AUTS2: variants seen among roughly 807,000 people sequenced by gnomAD.
The protein encoded by AUTS2 is autism susceptibility gene 2 protein.
A neutral mutation model predicts 112.4 loss-of-function variants in AUTS2; 17 were observed. The observed-to-expected ratio is 0.15, with a 90% confidence interval of 0.10 to 0.23. The LOEUF is 0.23. AUTS2 is among the 10% of genes least tolerant of loss of function. The pLI, the probability that AUTS2 is intolerant of heterozygous loss-of-function variation, is 1.00. For missense variants in AUTS2, 1,510 were observed against 1,701.6 expected (o/e 0.89, Z 1.98); for synonymous variants, 751 against 702.7 (o/e 1.07, Z -1.09).
intron 6 of AUTS2, among the ~76,000 whole-genome samples, chr7:70,722,125 A>G (rs965456051): frequency 1.3e-5 from 2 of 152,056 alleles, no homozygotes; most frequent in African/African-American, 4.8e-5. Flanking sequence ...GAAATTAAAT[A>G]TAGCCCCCAG....
At chr7:70,716,528 G>A (rs948079696) in intron 6 of AUTS2, among the ~76,000 whole-genome samples, 3 of 150,060 alleles carry the variant, frequency 2.0e-5, no homozygotes, top group African/African-American at 7.4e-5. Context: ...AGCTACTCGG[G>A]AAGCTGAGGC....
At chr7:69,959,725 T>C (rs1367623136) in intron 2 of AUTS2, among the ~76,000 whole-genome samples, 1 of 152,186 alleles carries the variant, frequency 6.6e-6, no homozygotes, top group Non-Finnish European at 1.5e-5. Context: ...TAAACCTCTT[T>C]TAAAATCTGC....
intron 5 of AUTS2, among the ~76,000 whole-genome samples, chr7:70,451,379 AT>A (rs1562963970): frequency 6.6e-6 from 1 of 152,164 alleles, no homozygotes; most frequent in Non-Finnish European, 1.5e-5. Flanking sequence ...AATTGAAATT[AT>A]TTTTTAAACT....
chr7:69,600,071 T>TA, intron 1 of AUTS2, 109 bp downstream of exon 1: 1 of 1,183,620 alleles, frequency 8.4e-7, no homozygotes, highest in South Asian at 1.4e-5. Flanking sequence ...TCTGTCTGTC[T>TA]GTCTGTCTGT....
intron 1 of AUTS2, among the ~76,000 whole-genome samples, chr7:69,734,819 G>A (rs1008485678): frequency 5.3e-5 from 8 of 151,994 alleles, no homozygotes; most frequent in Non-Finnish European, 1.2e-4. Context: ...GCTCTGAAAA[G>A]GTTTTTATAT....
In AUTS2 at chr7:70,685,453, A is replaced by G. The variant is rs1326672851; in HGVS notation, c.691-13116A>G. 9.6e-5 allele frequency among the ~76,000 whole-genome samples: 14 copies of G among 145,190 alleles called. No homozygotes were observed. The Admixed American group carries it at 1.0e-3, about 10-fold the overall frequency. On this transcript the variant is annotated intron_variant, in intron 5 of 18. Transcript: ENST00000342771. ...GCACCACCACACCCCAGCCTGAGTG[A>G]CAGAGCAAGACTCTGTCTCAAAAAA...
At chr7:70,091,911 A>G (rs1288396556) in intron 2 of AUTS2, among the ~76,000 whole-genome samples, 1 of 152,206 alleles carries the variant, frequency 6.6e-6, no homozygotes, top group Admixed American at 6.5e-5. Flanking sequence ...GGTGACATAC[A>G]AGGGAAAGAG....
chr7:70,566,140 A>G (rs1446565726), intron 5 of AUTS2, among the ~76,000 whole-genome samples: 1 of 152,196 alleles, frequency 6.6e-6, no homozygotes, highest in Non-Finnish European at 1.5e-5. Context: ...CCTCCAAATA[A>G]TAGCACTTTC....
intron 2 of AUTS2, among the ~76,000 whole-genome samples, chr7:70,054,125 A>G (rs1801886584): frequency 6.6e-6 from 1 of 152,198 alleles, no homozygotes; most frequent in Admixed American, 6.5e-5. Flanking sequence ...TGCATTTGAT[A>G]TGTGGCTAGT....
chr7:69,607,212 C>T (rs1465548670), intron 1 of AUTS2, among the ~76,000 whole-genome samples: 4 of 152,140 alleles, frequency 2.6e-5, no homozygotes, highest in Non-Finnish European at 4.4e-5. Context: ...ACCCTGAAAT[C>T]ATATGAATTG....
intron 1 of AUTS2, among the ~76,000 whole-genome samples, chr7:69,775,138 TA>T (rs1481314930): frequency 6.6e-6 from 1 of 152,198 alleles, no homozygotes; most frequent in East Asian, 1.9e-4. Context: ...GATGCTGGGT[TA>T]TAAAAAAACT....
At chr7:70,276,507 T>C (rs1394215512) in intron 4 of AUTS2, among the ~76,000 whole-genome samples, 1 of 151,654 alleles carries the variant, frequency 6.6e-6, no homozygotes, top group Non-Finnish European at 1.5e-5. Flanking sequence ...GCCTCCCGAG[T>C]AGCTGGGATT....
intron 5 of AUTS2, among the ~76,000 whole-genome samples, chr7:70,545,984 A>G (rs1800758612): frequency 6.6e-6 from 1 of 152,204 alleles, no homozygotes; most frequent in Admixed American, 6.5e-5. Context: ...TTGGTTTGAA[A>G]TTTCCCATAA....
intron 1 of AUTS2, among the ~76,000 whole-genome samples, chr7:69,865,707 A>G (rs772772251): frequency 4.7e-4 from 71 of 152,272 alleles, no homozygotes; most frequent in Middle Eastern, 6.8e-3. Flanking sequence ...TGTGTACTGC[A>G]TCAAGTCCTA....
intron 5 of AUTS2, among the ~76,000 whole-genome samples, chr7:70,698,268 T>A (rs181171763): frequency 5.9e-5 from 9 of 152,286 alleles, no homozygotes; most frequent in South Asian, 4.1e-4. Context: ...TGCAAAATCA[T>A]TATGTGAATG....
chr7:70,296,148 G>C (rs750512247), intron 4 of AUTS2, among the ~76,000 whole-genome samples: 12 of 152,176 alleles, frequency 7.9e-5, no homozygotes, highest in African/African-American at 4.8e-5. Flanking sequence ...ACTTCCCAAG[G>C]TCAGTTCTCT....
chr7:69,639,586 G>A (rs1794709368), intron 1 of AUTS2, among the ~76,000 whole-genome samples: 1 of 152,246 alleles, frequency 6.6e-6, no homozygotes, highest in Admixed American at 6.5e-5. Flanking sequence ...ATTGAAGCAT[G>A]TGGTCTACCC....
At chr7:70,172,087 A>C (rs947215537) in intron 4 of AUTS2, among the ~76,000 whole-genome samples, 31 of 151,652 alleles carry the variant, frequency 2.0e-4, no homozygotes, top group African/African-American at 7.3e-4. Flanking sequence ...AGCTTCCCTC[A>C]CTCTGTCGTT....
intron 5 of AUTS2, among the ~76,000 whole-genome samples, chr7:70,458,698 C>G (rs1796845015): frequency 6.6e-6 from 1 of 152,124 alleles, no homozygotes; most frequent in Non-Finnish European, 1.5e-5. Flanking sequence ...GGAATTTTTT[C>G]AGGAATTTCT....
Sources: gnomAD v4.1 joint callset for allele counts (sites outside exome capture counted in the v4.1 genomes callset) on GRCh38, gnomAD v4.1.1 for gene constraint, MANE v1.5 for transcripts, NCBI Gene and HGNC (gene_info 2026-07-23, HGNC 2026-07-21) for gene names.